Variants in CCDC68 observed in about 807,000 individuals in gnomAD.
CCDC68 encodes the protein coiled-coil domain-containing protein 68.
A neutral mutation model predicts 47.1 loss-of-function variants in CCDC68; 45 were observed. The ratio of observed to expected loss-of-function variants is 0.96; its 90% CI spans 0.75 to 1.23. The LOEUF (loss-of-function observed/expected upper bound fraction) is 1.23. Among genes scored for constraint, CCDC68 ranks in the 50% most tolerant of loss-of-function variants. The probability of loss-of-function intolerance (pLI) is 0.00; values close to 1 mark genes in which losing one functional copy is unlikely to be tolerated. For missense variants in CCDC68, 353 were observed against 373.6 expected (o/e 0.94, Z 0.45); for synonymous variants, 131 against 129.5 (o/e 1.01, Z -0.08).
At chr18:54,933,362 T>C (rs1452353843) in intron 7 of CCDC68, among the ~76,000 whole-genome samples, 1 of 152,148 alleles carries the variant, frequency 6.6e-6, no homozygotes, top group African/African-American at 2.4e-5. Flanking sequence ...ATTATAGGCA[T>C]GAACCACCAT....
intron 11 of CCDC68, among the ~76,000 whole-genome samples, chr18:54,904,636 T>TAA (rs1913881204): frequency 1.3e-5 from 2 of 152,304 alleles, no homozygotes; most frequent in Admixed American, 1.3e-4. Context: ...CTGCTAGATG[T>TAA]AACAGGACAA....
At chr18:54,929,390 T>A (rs1370953690) in intron 7 of CCDC68, among the ~76,000 whole-genome samples, 1 of 152,180 alleles carries the variant, frequency 6.6e-6, no homozygotes, top group South Asian at 2.1e-4. Context: ...GCTTTCCAAT[T>A]AGGATACAGG....
chr18:54,923,290 G>T (rs2145451210), intron 8 of CCDC68, among the ~76,000 whole-genome samples: 1 of 152,152 alleles, frequency 6.6e-6, no homozygotes, highest in Middle Eastern at 3.4e-3. Flanking sequence ...TTCTTTTTGT[G>T]TCCCATGACC....
chr18:54,908,266 T>G (rs1439796749), intron 10 of CCDC68, among the ~76,000 whole-genome samples: 1 of 152,314 alleles, frequency 6.6e-6, no homozygotes, highest in East Asian at 1.9e-4. Flanking sequence ...CCCATGAAAA[T>G]AGGTACCATC....
Position 54,936,824 on chromosome 18 carries a change from G to T in CCDC68, c.471+9C>A, listed in dbSNP as rs764511400. 3.1e-6 allele frequency: 5 copies of T among 1,614,000 alleles called. No homozygotes were observed. The highest frequency in any genetic ancestry group is 4.2e-6 in the Non-Finnish European group (5 of 1,179,900). ...TAGTTCTCCAATAGACAAGCTGCAT[G>T]TTTGGTACCTGGAGTAATTGTTTAC... On this transcript the variant is annotated intron_variant, in intron 6 of 11. Transcript: ENST00000591504.
chr18:54,916,396 G>C (rs933944886), intron 10 of CCDC68, among the ~76,000 whole-genome samples: 1 of 151,866 alleles, frequency 6.6e-6, no homozygotes, highest in African/African-American at 2.4e-5. Flanking sequence ...CTTCTGTTTG[G>C]GGAAAGCAGA....
At chr18:54,943,374 T>C (rs916245713) in intron 2 of CCDC68, among the ~76,000 whole-genome samples, 13 of 152,062 alleles carry the variant, frequency 8.5e-5, no homozygotes, top group African/African-American at 3.1e-4. Flanking sequence ...CGGAAAATAA[T>C]ATATAATATC....
intron 7 of CCDC68, among the ~76,000 whole-genome samples, chr18:54,930,653 C>CCCTCCCTCCCTCCCTCCCTTCCTT (rs1345180792): frequency 1.1e-4 from 2 of 18,346 alleles, no homozygotes; most frequent in Admixed American, 5.8e-4. Context: ...CTCCCTCCCT[C>CCCTCCCTCCCTCCCTCCCTTCCTT]CCTTCCTTCC....
intron 1 of CCDC68, among the ~76,000 whole-genome samples, chr18:54,953,220 C>T (rs2044648124): frequency 6.6e-6 from 1 of 152,112 alleles, no homozygotes; most frequent in Non-Finnish European, 1.5e-5. Context: ...AAAAGGAACA[C>T]ATAGGACTTT....
chr18:54,934,463 A>T (rs1352208613), intron 7 of CCDC68, among the ~76,000 whole-genome samples: 1 of 152,184 alleles, frequency 6.6e-6, no homozygotes, highest in Non-Finnish European at 1.5e-5. Context: ...GATTACAGGG[A>T]ACTGCTACAT....
chr18:54,927,176 TCAGA>T (rs527495911), intron 8 of CCDC68, among the ~76,000 whole-genome samples: 15 of 152,280 alleles, frequency 9.9e-5, no homozygotes, highest in East Asian at 7.7e-4. Flanking sequence ...TACATAAAGC[TCAGA>T]CAAAGTAATA....
rs201155377 is a variant in CCDC68 at position 54,930,589 on chromosome 18, C to CCCTTCCTTCCTTCCTT, written c.601-1723_601-1708dup. Among the ~76,000 whole-genome samples the CCCTTCCTTCCTTCCTT allele has an allele frequency of 4.6e-3, 477 of 103,018 alleles. 18 individuals are homozygous for CCCTTCCTTCCTTCCTT. Among genetic ancestry groups the CCCTTCCTTCCTTCCTT allele is most frequent in the African/African-American group, 0.019 (444 of 23,802 alleles). 67.6% of individuals were successfully genotyped at this position (103,018 alleles called of 152,430 possible). On this transcript the variant is annotated intron_variant, in intron 7 of 11. Coordinates refer to ENST00000591504, the MANE Select transcript of CCDC68 (RefSeq NM_025214.3). The stretch of plus-strand genomic sequence containing the variant: ...TTCTGAAGGATCACAGATACTCACT[C>CCCTTCCTTCCTTCCTT]CCTTCCTTCCTTCCTTCCTTCCTTC...
chr18:54,923,597 C>G (rs939353170), intron 8 of CCDC68, among the ~76,000 whole-genome samples: 6 of 152,094 alleles, frequency 3.9e-5, no homozygotes, highest in African/African-American at 1.4e-4. Context: ...TAGGACTGTC[C>G]AATAAATATG....
chr18:54,944,199 T>C (rs2044484185), intron 2 of CCDC68, among the ~76,000 whole-genome samples: 1 of 152,112 alleles, frequency 6.6e-6, no homozygotes, highest in Non-Finnish European at 1.5e-5. Flanking sequence ...TCTTTGAATA[T>C]CATATCCTAC....
intron 8 of CCDC68, among the ~76,000 whole-genome samples, chr18:54,924,434 A>G (rs2044112824): frequency 6.6e-6 from 1 of 152,154 alleles, no homozygotes; most frequent in Non-Finnish European, 1.5e-5. Flanking sequence ...CTGGAAAAAA[A>G]CAGCAGCCTG....
intron 7 of CCDC68, among the ~76,000 whole-genome samples, chr18:54,930,174 G>T (rs1568146996): frequency 6.6e-6 from 1 of 152,042 alleles, no homozygotes; most frequent in South Asian, 2.1e-4. Context: ...TCTCCAAAAT[G>T]CCTATAAATG....
chr18:54,937,056 T>C lies in CCDC68; in HGVS notation c.346-98A>G. On this transcript the variant is annotated intron_variant, in intron 5 of 11. Coordinates refer to ENST00000591504, the MANE Select transcript of CCDC68 (RefSeq NM_025214.3). Reference sequence around the variant, plus strand: ...CAATTAAGAACACCAAAGGTATAACTATACCATTTACAGCCTCATAGACAA... The same window carrying C: ...CAATTAAGAACACCAAAGGTATAACCATACCATTTACAGCCTCATAGACAA... 7.9e-6 allele frequency: 9 copies of C among 1,136,464 alleles called. No individual in the cohort carries two copies. The South Asian group carries it at 1.2e-4, about 15-fold the overall frequency. The allele number at this position is 1,136,464 out of a possible 1,614,324, so 70.4% of individuals were successfully genotyped here. A position where few individuals can be genotyped will look rare whatever the true frequency, so the allele number is the denominator to read the frequency against.
At chr18:54,930,579 G>A (rs1336910445) in intron 7 of CCDC68, among the ~76,000 whole-genome samples, 3 of 141,234 alleles carry the variant, frequency 2.1e-5, no homozygotes, top group Non-Finnish European at 4.6e-5. Context: ...AAGGATCACA[G>A]ATACTCACTC....
At position 54,928,890 on chromosome 18, in the gene CCDC68, A is replaced by G. The variant is rs1453171746; in HGVS notation, c.601-8T>C. 3 of 1,566,716 alleles carry G rather than the reference A, an allele frequency of 1.9e-6. No homozygotes were observed. The Admixed American group carries it at 5.0e-5, about 26-fold the overall frequency. ...TAGTAGTGTTCTCTTTTCCTAGGAG[A>G]AAATAAGATACAAATTTTGCTAAAC... On this transcript the variant is annotated splice_polypyrimidine_tract_variant and splice_region_variant and intron_variant, in intron 7 of 11. Coordinates refer to ENST00000591504, the MANE Select transcript of CCDC68 (RefSeq NM_025214.3).
Sources: gnomAD v4.1 joint callset for allele counts (sites outside exome capture counted in the v4.1 genomes callset) on GRCh38, gnomAD v4.1.1 for gene constraint, MANE v1.5 for transcripts, NCBI Gene and HGNC (gene_info 2026-07-23, HGNC 2026-07-21) for gene names.